Variants in CYP20A1 observed in about 807,000 individuals in gnomAD.
The protein encoded by CYP20A1 is cytochrome P450 family 20 subfamily A member 1.
A neutral mutation model predicts 61.4 loss-of-function variants in CYP20A1; 61 were observed. The observed-to-expected ratio is 0.99, with a 90% confidence interval of 0.81 to 1.23. CYP20A1 has a LOEUF of 1.23. CYP20A1 is among the 50% of genes most tolerant of loss of function. The pLI is 0.00. For synonymous variants in CYP20A1, 193 were observed against 188.2 expected (o/e 1.03, Z -0.21); for missense variants, 530 against 542.4 (o/e 0.98, Z 0.23).
chr2:203,245,100 GC>G (rs2066414695), intron 1 of CYP20A1, among the ~76,000 whole-genome samples: 1 of 147,106 alleles, frequency 6.8e-6, no homozygotes, highest in South Asian at 2.1e-4. Context: ...CACGATGTTG[GC>G]TCAGTGCAAC....
At chr2:203,274,823 T>C (rs2067750551) in intron 6 of CYP20A1, among the ~76,000 whole-genome samples, 1 of 152,226 alleles carries the variant, frequency 6.6e-6, no homozygotes, top group Non-Finnish European at 1.5e-5. Flanking sequence ...ATCAATGCGT[T>C]TGGATTAATT....
intron 11 of CYP20A1, among the ~76,000 whole-genome samples, chr2:203,295,858 A>G (rs2068769231): frequency 6.6e-6 from 1 of 152,156 alleles, no homozygotes; most frequent in Non-Finnish European, 1.5e-5. Context: ...CTGAGACAGG[A>G]GAATTGCTTG....
At chr2:203,274,689 T>C (rs1221960432) in intron 6 of CYP20A1, among the ~76,000 whole-genome samples, 2 of 151,948 alleles carry the variant, frequency 1.3e-5, no homozygotes, top group East Asian at 1.9e-4. Context: ...AAAATCCCTG[T>C]CCTCATTAGC....
chr2:203,265,339 C>G (rs546640452), intron 4 of CYP20A1, among the ~76,000 whole-genome samples: 1 of 152,126 alleles, frequency 6.6e-6, no homozygotes, highest in Admixed American at 6.5e-5. Flanking sequence ...GGTTGAGAAC[C>G]GCTGCCCTAG....
intron 4 of CYP20A1, among the ~76,000 whole-genome samples, chr2:203,262,411 A>T (rs1374763058): frequency 6.6e-6 from 1 of 152,132 alleles, no homozygotes; most frequent in Non-Finnish European, 1.5e-5. Flanking sequence ...TCGGGGCAAT[A>T]CATTTGTAAC....
chr2:203,263,172 A>G (rs1437403168), intron 4 of CYP20A1, among the ~76,000 whole-genome samples: 1 of 149,778 alleles, frequency 6.7e-6, no homozygotes, highest in African/African-American at 2.5e-5. Flanking sequence ...TATTTTTAGT[A>G]GAGACGGGAT....
chr2:203,240,076 C>G (rs1426932490), intron 1 of CYP20A1, among the ~76,000 whole-genome samples: 1 of 152,166 alleles, frequency 6.6e-6, no homozygotes, highest in African/African-American at 2.4e-5. Context: ...AGCCTGGCGA[C>G]AGAGCCAGAC....
rs1193781032 is a variant in CYP20A1, at chr2:203,301,065, A to G, written c.*4157A>G. On this transcript the variant is annotated 3_prime_UTR_variant, in exon 13 of 13. Coordinates refer to ENST00000356079, the MANE Select transcript of CYP20A1 (RefSeq NM_177538.3). ...TACAAAATTAGCCGGGCGTGGTGGC[A>G]CATGCCTTTAATCCCAGCTACTGGG... is the stretch of plus-strand genomic sequence containing the variant. 1.3e-5 allele frequency among the ~76,000 whole-genome samples: 2 copies of G among 151,430 alleles called. No individual in the cohort carries two copies. Among genetic ancestry groups the G allele is most frequent in the South Asian group, 2.1e-4 (1 of 4,792 alleles).
intron 4 of CYP20A1, among the ~76,000 whole-genome samples, chr2:203,259,338 A>G (rs1310041468): frequency 1.3e-5 from 2 of 152,104 alleles, no homozygotes; most frequent in African/African-American, 2.4e-5. Context: ...TGTAATCCCC[A>G]GTGTTGGGGG....
In CYP20A1 at chr2:203,285,724, G is replaced by T; in HGVS notation, c.963G>T (p.Glu321Asp). Residue 321 changes from glutamate to aspartate, a missense_variant, in exon 9 of 13, where the codon GAG (glutamate) becomes GAT (aspartate). By Grantham distance (45) the Glu-to-Asp change is conservative. Transcript: ENST00000356079. ...GNGPVTPEKIEQLRYCQHVLC... is the reference protein window; with the variant it reads ...GNGPVTPEKIDQLRYCQHVLC... The stretch of plus-strand genomic sequence containing the variant: ...GTCCTGTTACTCCAGAGAAAATTGA[G>T]CAGCTCAGGTAAGAACACAATAAAA... The T allele has an allele frequency of 1.9e-6, 3 of 1,592,322 alleles. No homozygotes were observed. The highest frequency in any genetic ancestry group is 1.7e-6 in the Non-Finnish European group (2 of 1,174,998).
chr2:203,245,629 A>C (rs1371867195), intron 1 of CYP20A1, among the ~76,000 whole-genome samples: 1 of 152,138 alleles, frequency 6.6e-6, no homozygotes, highest in Admixed American at 6.6e-5. Flanking sequence ...TTGCTAAAGA[A>C]AATGGCCTCC....
chr2:203,266,560 A>G lies in CYP20A1; in HGVS notation c.479A>G (p.Gln160Arg). ...AAATGGCTCTCCTACCCAGAGACCC[A>G]GCACGTGCCCCTCAGCCAGCATATG... ...LDKWLSYPET[Q>R]HVPLSQHMLG... Residue 160 changes from glutamine to arginine, a missense_variant, in exon 5 of 13, where the codon CAG (glutamine) becomes CGG (arginine). Gln to Arg is a conservative substitution (Grantham distance 43). Transcript: ENST00000356079. 6.2e-7 allele frequency: 1 copy of G among 1,614,140 alleles called. No individual in the cohort carries two copies. The highest frequency in any genetic ancestry group is 8.5e-7 in the Non-Finnish European group (1 of 1,179,978).
chr2:203,299,688 A>G lies in CYP20A1; in HGVS notation c.*2780A>G, dbSNP rs2068942380. 1.3e-5 allele frequency among the ~76,000 whole-genome samples: 2 copies of G among 152,160 alleles called. No homozygotes were observed. The highest frequency in any genetic ancestry group is 4.1e-4 in the South Asian group (2 of 4,824). On this transcript the variant is annotated 3_prime_UTR_variant, in exon 13 of 13. Transcript: ENST00000356079. ...TCAGGCGTTCAAGACCAGCCTGACC[A>G]ACATGGAGAAACCCCGTCTCTACTA... is the stretch of plus-strand genomic sequence containing the variant.
intron 4 of CYP20A1, among the ~76,000 whole-genome samples, chr2:203,256,481 T>C (rs906559666): frequency 2.6e-5 from 4 of 152,144 alleles, no homozygotes; most frequent in African/African-American, 9.7e-5. Flanking sequence ...TTCCTTAACC[T>C]CCCTAGTAGC....
At chr2:203,263,604 T>G (rs1186631851) in intron 4 of CYP20A1, among the ~76,000 whole-genome samples, 1 of 152,160 alleles carries the variant, frequency 6.6e-6, no homozygotes, top group African/African-American at 2.4e-5. Context: ...CAAGTTTTGA[T>G]GTGCTATATT....
At chr2:203,288,587 A>G (rs577525433) in intron 9 of CYP20A1, among the ~76,000 whole-genome samples, 1 of 152,256 alleles carries the variant, frequency 6.6e-6, no homozygotes, top group South Asian at 2.1e-4. Context: ...ACAGTGCTTC[A>G]CATGCAGCAG....
intron 8 of CYP20A1, among the ~76,000 whole-genome samples, chr2:203,284,353 G>A (rs2068175316): frequency 6.6e-6 from 1 of 152,148 alleles, no homozygotes; most frequent in African/African-American, 2.4e-5. Context: ...ATATTCTAGG[G>A]AAAGAGGTAG....
At chr2:203,268,596 T>G (rs899109362) in intron 5 of CYP20A1, among the ~76,000 whole-genome samples, 9 of 150,704 alleles carry the variant, frequency 6.0e-5, no homozygotes, top group East Asian at 1.9e-4. Context: ...AATTATTTGT[T>G]TTTTTTTTTG....
chr2:203,256,620 A>G (rs1252231792), intron 4 of CYP20A1, among the ~76,000 whole-genome samples: 3 of 152,056 alleles, frequency 2.0e-5, no homozygotes, highest in Non-Finnish European at 4.4e-5. Context: ...CAGCCTCCCA[A>G]AGTGCTGGGA....
Sources: gnomAD v4.1 joint callset for allele counts (sites outside exome capture counted in the v4.1 genomes callset) on GRCh38, gnomAD v4.1.1 for gene constraint, MANE v1.5 for transcripts, NCBI Gene and HGNC (gene_info 2026-07-23, HGNC 2026-07-21) for gene names.